Variants in PIGS observed in about 807,000 individuals in gnomAD.
PIGS encodes the protein phosphatidylinositol glycan anchor biosynthesis class S, also known as GPI-anchor transamidase component PIGS.
Under a neutral mutation model 58.2 loss-of-function variants are expected in PIGS, and 37 were observed. The observed-to-expected ratio is 0.64, with a 90% CI of 0.49 to 0.84. The LOEUF is 0.84. PIGS is among the 40% of genes least tolerant of loss of function. The pLI is 0.00. For missense variants in PIGS, 629 were observed against 710.8 expected, an observed-to-expected ratio of 0.88 and a Z score of 1.31; for synonymous variants, 269 against 289.2, an observed-to-expected ratio of 0.93 and a Z score of 0.71.
At position 28,570,967 on chromosome 17, in the gene PIGS, C is replaced by A. The variant is rs1158055915; in HGVS notation, c.175-4G>T. 7 of 1,614,252 alleles carry A rather than the reference C, an allele frequency of 4.3e-6. No homozygotes were observed. In the South Asian group the frequency reaches 7.7e-5, roughly 18 times the overall value. ...TGACAGGCACCATGAGGCGGAGCTA[C>A]AGGAAGGAGCATCAGGGCCGTCACT... On this transcript the variant is annotated splice_region_variant and splice_polypyrimidine_tract_variant and intron_variant, in intron 2 of 11. Coordinates refer to ENST00000308360, the MANE Select transcript of PIGS (RefSeq NM_033198.4).
rs1242516066 is a variant in PIGS, at chr17:28,570,851, C to T, written c.286+1G>A. 6.2e-7 allele frequency: 1 copy of T among 1,614,210 alleles called. No homozygotes were observed. The highest frequency in any genetic ancestry group is 8.5e-7 in the Non-Finnish European group (1 of 1,180,020). ...AGCAGCCCTGATCCCCAGTAACTCA[C>T]ATTTCAGAGGAATCTCTCTTTCATG... On this transcript the variant is annotated splice_donor_variant, in intron 3 of 11. Transcript: ENST00000308360. LOFTEE classifies it high-confidence loss of function.
intron 8 of PIGS, 63 bp from the exon 9 acceptor site, chr17:28,557,035 G>T: frequency 6.3e-7 from 1 of 1,582,868 alleles, no homozygotes; most frequent in Non-Finnish European, 8.6e-7. Flanking sequence ...GTCCCAGGTC[G>T]GCCTCTAACT....
chr17:28,554,054 A>T lies in PIGS; in HGVS notation c.*166T>A. The T allele has an allele frequency of 1.2e-6, 1 of 865,316 alleles. No individual in the cohort carries two copies. The highest frequency in any genetic ancestry group is 1.8e-6 in the Non-Finnish European group (1 of 571,000). 53.6% of individuals were successfully genotyped at this position (865,316 alleles called of 1,614,324 possible). On this transcript the variant is annotated 3_prime_UTR_variant, in exon 12 of 12. Transcript: ENST00000308360. ...GCCAGGTGAATGGGAAAGGAAGAAA[A>T]GATGAACCCATCTTGGAGTGTTGTA...
At chr17:28,566,021 ACT>A (rs1167534245) in intron 3 of PIGS, among the ~76,000 whole-genome samples, 1 of 151,694 alleles carries the variant, frequency 6.6e-6, no homozygotes, top group East Asian at 1.9e-4. Flanking sequence ...ACAGAGTGAG[ACT>A]CTGTCTCAAA....
chr17:28,557,975 T>C (rs2070340980), intron 8 of PIGS, among the ~76,000 whole-genome samples: 1 of 152,138 alleles, frequency 6.6e-6, no homozygotes, highest in African/African-American at 2.4e-5. Flanking sequence ...TTGGATATGA[T>C]AGGTGTGAAG....
At chr17:28,571,410 T>G in intron 1 of PIGS, 53 bp downstream of exon 1, 2 of 1,598,256 alleles carry the variant, frequency 1.3e-6, no homozygotes, top group Middle Eastern at 3.3e-4. Context: ...ACCCCTGCTA[T>G]TCCTCCCTTG....
chr17:28,554,257 G>T lies in PIGS; in HGVS notation c.1631C>A (p.Thr544Asn). Residue 544 changes from threonine to asparagine, a missense_variant, in exon 12 of 12, where the codon ACC becomes AAC. Transcript: ENST00000308360. ...CTCAGGCTTTCTCCAGGACTTGCGGGTCTCCAGGAAGATCTTGACCAGGGA... is the reference window on the plus strand; with the variant it reads ...CTCAGGCTTTCTCCAGGACTTGCGGTTCTCCAGGAAGATCTTGACCAGGGA... ...LLSLVKIFLE[T>N]RKSWRKPEKT... 6.2e-7 allele frequency: 1 copy of T among 1,614,182 alleles called. No homozygotes were observed. The highest frequency in any genetic ancestry group is 8.5e-7 in the Non-Finnish European group (1 of 1,180,000).
In PIGS at chr17:28,555,075, G is replaced by T. The variant is rs371419524; in HGVS notation, c.1182-14C>A. 2.5e-6 allele frequency: 4 copies of T among 1,603,900 alleles called. No homozygotes were observed. Among genetic ancestry groups the T allele is most frequent in the East Asian group, 4.5e-5 (2 of 44,578 alleles). ...CCAAAGAGCAACCTGTAGGAACATCGGAGTAAGATCAAGGTGGCTGAGACC... is the reference window on the plus strand; with the variant it reads ...CCAAAGAGCAACCTGTAGGAACATCTGAGTAAGATCAAGGTGGCTGAGACC... On this transcript the variant is annotated splice_polypyrimidine_tract_variant and intron_variant, in intron 10 of 11. Transcript: ENST00000308360.
intron 8 of PIGS, among the ~76,000 whole-genome samples, chr17:28,557,858 T>C (rs2070340356): frequency 6.6e-6 from 1 of 152,244 alleles, no homozygotes; most frequent in African/African-American, 2.4e-5. Flanking sequence ...TGCTGTTGTC[T>C]TTCCTATGTG....
rs759538810 is a variant in PIGS at position 28,558,576 on chromosome 17, T to C, written c.834A>G (p.Ala278=). The C allele has an allele frequency of 6.2e-7, 1 of 1,610,612 alleles. No homozygotes were observed. The highest frequency in any genetic ancestry group is 8.5e-7 in the Non-Finnish European group (1 of 1,178,402). Residue 278 remains alanine (A), a synonymous_variant, in exon 8 of 12, where the codon GCA becomes GCG. Transcript: ENST00000308360. Reference sequence around the variant, plus strand: ...CAAAGCGGGGATTCACCCCCAACATTGCATAGTAAAGAATCTGTAGAGCAA... The same window carrying C: ...CAAAGCGGGGATTCACCCCCAACATCGCATAGTAAAGAATCTGTAGAGCAA... ...FSVDSQILYY[A]MLGVNPRFDS...
Position 28,554,057 on chromosome 17 carries a change from T to C in PIGS, c.*163A>G. ...AGGTGAATGGGAAAGGAAGAAAAGA[T>C]GAACCCATCTTGGAGTGTTGTACTT... On this transcript the variant is annotated 3_prime_UTR_variant, in exon 12 of 12. Coordinates refer to ENST00000308360, the MANE Select transcript of PIGS (RefSeq NM_033198.4). 1 of 884,648 alleles carries C rather than the reference T, an allele frequency of 1.1e-6. No individual in the cohort carries two copies. The highest frequency in any genetic ancestry group is 1.7e-6 in the Non-Finnish European group (1 of 586,218). 54.8% of individuals were successfully genotyped at this position (884,648 alleles called of 1,614,324 possible). A position where few individuals can be genotyped will look rare whatever the true frequency, so the allele number is the denominator to read the frequency against.
chr17:28,556,333 C>G, intron 9 of PIGS, 67 bp from the exon 10 acceptor site: 1 of 1,238,264 alleles, frequency 8.1e-7, no homozygotes, highest in Non-Finnish European at 1.2e-6. Flanking sequence ...CCTAGGCACT[C>G]TGGAGAGAAA....
intron 3 of PIGS, among the ~76,000 whole-genome samples, chr17:28,564,702 C>G (rs946045635): frequency 4.1e-5 from 6 of 145,544 alleles, no homozygotes; most frequent in African/African-American, 1.5e-4. Flanking sequence ...GCAACAAGAG[C>G]GAAACTCCAT....
chr17:28,567,506 AATG>A (rs1355772949), intron 3 of PIGS, among the ~76,000 whole-genome samples: 1 of 152,226 alleles, frequency 6.6e-6, no homozygotes, highest in African/African-American at 2.4e-5. Flanking sequence ...CAAAAAGACA[AATG>A]CAACTTATTG....
rs1567616026 is a variant in PIGS, at chr17:28,561,541, A to G, written c.557T>C (p.Ile186Thr). Residue 186 changes from isoleucine (I) to threonine (T), a missense_variant, in exon 6 of 12, where the codon ATA becomes ACA. Coordinates refer to ENST00000308360, the MANE Select transcript of PIGS (RefSeq NM_033198.4). ...REAFNIIGRR[I>T]VQVAQAMSLT... ...AGACATGGCCTGGGCCACCTGGACT[A>G]TGCGGCGGCCAATGATGTTAAAGGC... 5 of 1,614,058 alleles carry G rather than the reference A, an allele frequency of 3.1e-6. No homozygotes were observed. Among genetic ancestry groups the G allele is most frequent in the Non-Finnish European group, 3.4e-6 (4 of 1,179,970 alleles).
Position 28,554,488 on chromosome 17 carries a change from T to C in PIGS, c.1400A>G (p.Lys467Arg). Reference sequence around the variant, plus strand: ...CGACTTCTGGACGGCAGCTACAGCCTTGTACACCTAGGAAGGAGAAGGGAC... The same window carrying C: ...CGACTTCTGGACGGCAGCTACAGCCCTGTACACCTAGGAAGGAGAAGGGAC... ...IKDDVASEVY[K>R]AVAAVQKSAE... The change falls in exon 12 of 12, where the codon AAG (lysine) becomes AGG (arginine). Residue 467 changes from lysine to arginine, a missense_variant. Physicochemically the swap from Lys to Arg is conservative, Grantham distance 26. Coordinates refer to ENST00000308360, the MANE Select transcript of PIGS (RefSeq NM_033198.4). 1 of 1,613,866 alleles carries C rather than the reference T, an allele frequency of 6.2e-7. No individual in the cohort carries two copies. The highest frequency in any genetic ancestry group is 8.5e-7 in the Non-Finnish European group (1 of 1,179,932).
intron 8 of PIGS, among the ~76,000 whole-genome samples, chr17:28,558,185 A>G (rs1308164449): frequency 6.6e-6 from 1 of 152,198 alleles, no homozygotes; most frequent in African/African-American, 2.4e-5. Context: ...ACATACCTAT[A>G]GTTCTAGCTA....
At position 28,554,269 on chromosome 17, in the gene PIGS, A is replaced by G. The variant is rs761355349; in HGVS notation, c.1619T>C (p.Ile540Thr). Residue 540 changes from isoleucine to threonine, a missense_variant, in exon 12 of 12, where the codon ATC becomes ACC. Physicochemically the swap from Ile to Thr is moderately conservative, Grantham distance 89 (BLOSUM62 -1). Coordinates refer to ENST00000308360, the MANE Select transcript of PIGS (RefSeq NM_033198.4). ...CCAGGACTTGCGGGTCTCCAGGAAG[A>G]TCTTGACCAGGGACAGGAGGATGGG... ...AVPILLSLVK[I>T]FLETRKSWRK... 3.7e-6 allele frequency: 6 copies of G among 1,614,108 alleles called. No individual in the cohort carries two copies. In the African/African-American group the frequency reaches 6.7e-5, roughly 18 times the overall value.
At position 28,563,843 on chromosome 17, in the gene PIGS, C is replaced by T. The variant is rs753817805; in HGVS notation, c.351G>A (p.Glu117=). The change falls in exon 4 of 12, where the codon GAG becomes GAA. Residue 117 remains glutamate, a synonymous_variant. Transcript: ENST00000308360. Reference sequence around the variant, plus strand: ...CTTGCACACTGCCCGATGACAGGGCCTCCTCCTCATGGTCCAAAGCCCTCC... The same window carrying T: ...CTTGCACACTGCCCGATGACAGGGCTTCCTCCTCATGGTCCAAAGCCCTCC... ...AYRRALDHEE[E]ALSSGSVQEA... 1 of 1,613,952 alleles carries T rather than the reference C, an allele frequency of 6.2e-7. No individual in the cohort carries two copies. Among genetic ancestry groups the T allele is most frequent in the African/African-American group, 1.3e-5 (1 of 74,916 alleles).
Sources: gnomAD v4.1 joint callset for allele counts (sites outside exome capture counted in the v4.1 genomes callset) on GRCh38, gnomAD v4.1.1 for gene constraint, MANE v1.5 for transcripts, NCBI Gene and HGNC (gene_info 2026-07-23, HGNC 2026-07-21) for gene names.